Variants in SORCS3 observed in about 807,000 individuals in gnomAD.
SORCS3 encodes the protein sortilin related VPS10 domain containing receptor 3.
SORCS3 carries 57 observed loss-of-function variants against 146.3 expected under a neutral mutation model. That is an observed-to-expected ratio of 0.39 (90% CI 0.31 to 0.49). The LOEUF (loss-of-function observed/expected upper bound fraction) is 0.49. Ranked by LOEUF, SORCS3 falls within the 20% of genes least tolerant of loss-of-function variation. SORCS3 has a pLI of 0.92. For synonymous variants in SORCS3, 653 were observed against 618.5 expected (o/e 1.06, Z -0.83); for missense variants, 1,341 against 1,575.5 (o/e 0.85, Z 2.52).
chr10:104,772,609 C>A (rs1167008957), intron 1 of SORCS3, among the ~76,000 whole-genome samples: 1 of 152,188 alleles, frequency 6.6e-6, no homozygotes, highest in African/African-American at 2.4e-5. Context: ...CCCGCTTTCC[C>A]TTGCATTCAC....
intron 14 of SORCS3, among the ~76,000 whole-genome samples, chr10:105,187,623 G>A (rs1443895676): frequency 6.6e-6 from 1 of 152,164 alleles, no homozygotes; most frequent in East Asian, 1.9e-4. Flanking sequence ...GGCTTTTGGA[G>A]GCAGAGGAAA....
At chr10:105,007,917 C>G (rs1589591377) in intron 4 of SORCS3, among the ~76,000 whole-genome samples, 1 of 152,098 alleles carries the variant, frequency 6.6e-6, no homozygotes, top group Non-Finnish European at 1.5e-5. Flanking sequence ...GGGAAGAAGT[C>G]CCCTCTGGGC....
intron 2 of SORCS3, among the ~76,000 whole-genome samples, chr10:104,870,742 C>A (rs2018510964): frequency 6.6e-6 from 1 of 152,130 alleles, no homozygotes; most frequent in Non-Finnish European, 1.5e-5. Context: ...CATGACCTCG[C>A]AGGGCTGTGC....
intron 9 of SORCS3, among the ~76,000 whole-genome samples, chr10:105,152,118 T>A (rs1015449653): frequency 2.0e-5 from 3 of 152,222 alleles, no homozygotes; most frequent in South Asian, 4.1e-4. Flanking sequence ...CCCGCAGTTA[T>A]ACTATGGCAG....
At position 105,105,627 on chromosome 10, in the gene SORCS3, C is replaced by T. The variant is rs938898750; in HGVS notation, c.1212+112C>T. On this transcript the variant is annotated intron_variant, in intron 7 of 26. Coordinates refer to ENST00000369701, the MANE Select transcript of SORCS3 (RefSeq NM_014978.3). ...GTTGTGAAGATGTGGAGTTGAGACA[C>T]TGTCCCTCCTTTGCTTCAGGGACCC... 9 of 747,598 alleles carry T rather than the reference C, an allele frequency of 1.2e-5. No homozygotes were observed. The African/African-American group carries it at 1.2e-4, about 10-fold the overall frequency. The allele number at this position is 747,598 out of a possible 1,614,324, so 46.3% of individuals were successfully genotyped here. A position where few individuals can be genotyped will look rare whatever the true frequency, so the allele number is the denominator to read the frequency against.
intron 1 of SORCS3, among the ~76,000 whole-genome samples, chr10:104,777,757 G>A (rs1005855571): frequency 2.0e-5 from 3 of 152,134 alleles, no homozygotes; most frequent in African/African-American, 4.8e-5. Flanking sequence ...TGTGTCGGGG[G>A]TAGTGTATTT....
chr10:104,681,978 T>A (rs1175519918), intron 1 of SORCS3, among the ~76,000 whole-genome samples: 1 of 152,252 alleles, frequency 6.6e-6, no homozygotes, highest in East Asian at 1.9e-4. Flanking sequence ...TTTTAATGAT[T>A]TATCTATTGA....
intron 2 of SORCS3, among the ~76,000 whole-genome samples, chr10:104,863,517 C>T (rs2018427550): frequency 6.6e-6 from 1 of 152,218 alleles, no homozygotes; most frequent in East Asian, 1.9e-4. Context: ...CACTCATCTG[C>T]TACCTGGTCT....
intron 22 of SORCS3, among the ~76,000 whole-genome samples, chr10:105,248,628 C>T (rs902705702): frequency 1.1e-4 from 16 of 150,474 alleles, no homozygotes; most frequent in Non-Finnish European, 1.3e-4. Context: ...GCAGGAGAGT[C>T]ACCTGAACCC....
intron 1 of SORCS3, among the ~76,000 whole-genome samples, chr10:104,810,164 A>G (rs1274425235): frequency 6.6e-6 from 1 of 152,254 alleles, no homozygotes; most frequent in East Asian, 1.9e-4. Flanking sequence ...GCAGAAATAA[A>G]GGATTTTCAC....
intron 1 of SORCS3, among the ~76,000 whole-genome samples, chr10:104,735,355 G>C (rs916284821): frequency 1.3e-5 from 2 of 151,746 alleles, no homozygotes; most frequent in African/African-American, 4.8e-5. Flanking sequence ...AAATGCAGCC[G>C]GAGATGCGTC....
At chr10:104,799,547 G>A (rs1423623477) in intron 1 of SORCS3, among the ~76,000 whole-genome samples, 1 of 151,854 alleles carries the variant, frequency 6.6e-6, no homozygotes, top group Admixed American at 6.5e-5. Flanking sequence ...CCTGTTGGGG[G>A]TTGGGGGGCT....
chr10:104,996,392 T>C (rs1457469478), intron 4 of SORCS3, among the ~76,000 whole-genome samples: 1 of 152,206 alleles, frequency 6.6e-6, no homozygotes, highest in Non-Finnish European at 1.5e-5. Flanking sequence ...TGTTTTATAC[T>C]TTTTAGCTTA....
At chr10:105,114,871 C>A (rs1007991098) in intron 7 of SORCS3, among the ~76,000 whole-genome samples, 9 of 152,086 alleles carry the variant, frequency 5.9e-5, no homozygotes, top group Non-Finnish European at 1.2e-4. Flanking sequence ...TAGGATGATA[C>A]CAGTACTACA....
chr10:104,986,396 A>T (rs757103263), intron 4 of SORCS3, among the ~76,000 whole-genome samples: 5 of 152,170 alleles, frequency 3.3e-5, no homozygotes, highest in Non-Finnish European at 7.4e-5. Context: ...TTGATCTTGT[A>T]TCTAGACCAC....
chr10:105,120,513 C>T (rs555385029), intron 7 of SORCS3, among the ~76,000 whole-genome samples: 3 of 152,072 alleles, frequency 2.0e-5, no homozygotes, highest in Non-Finnish European at 2.9e-5. Flanking sequence ...AGCAAGGGGT[C>T]GTTCTTTACA....
At chr10:104,947,062 G>A (rs1475230593) in intron 3 of SORCS3, among the ~76,000 whole-genome samples, 2 of 152,082 alleles carry the variant, frequency 1.3e-5, no homozygotes, top group East Asian at 1.9e-4. Flanking sequence ...GGCAGCTCAC[G>A]TTCTAGGAAA....
At chr10:104,747,277 C>A (rs2016922123) in intron 1 of SORCS3, among the ~76,000 whole-genome samples, 1 of 152,170 alleles carries the variant, frequency 6.6e-6, no homozygotes, top group Admixed American at 6.5e-5. Flanking sequence ...ACCATGATTT[C>A]TGTTTTTTGA....
chr10:104,830,377 GA>G (rs1331232272), intron 1 of SORCS3, among the ~76,000 whole-genome samples: 2 of 152,148 alleles, frequency 1.3e-5, no homozygotes, highest in Non-Finnish European at 2.9e-5. Context: ...ACCATCACGT[GA>G]CTGCCTAGGA....
Sources: allele counts gnomAD v4.1 joint callset (sites outside exome capture counted in the v4.1 genomes callset), GRCh38; gene constraint gnomAD v4.1.1; transcripts MANE v1.5; gene names NCBI Gene and HGNC (gene_info 2026-07-23, HGNC 2026-07-21).